Variants in ARG2 observed in about 807,000 individuals in gnomAD.
ARG2 encodes arginase 2.
In ARG2, 21 loss-of-function variants were observed where a neutral mutation model predicts 39.4. That is an observed-to-expected ratio of 0.53 (90% CI 0.38 to 0.77). ARG2 has a LOEUF of 0.77. Ranked by LOEUF, ARG2 falls within the 30% of genes least tolerant of loss-of-function variation. The pLI, the probability that ARG2 is intolerant of heterozygous loss-of-function variation, is 0.00. For missense variants in ARG2, 378 were observed against 426.2 expected (o/e 0.89, Z 1.00); for synonymous variants, 150 against 156.7 (o/e 0.96, Z 0.32).
rs1555380562 is a variant in ARG2 at position 67,636,272 on chromosome 14, A to AC, written c.185-5911dup. Among the ~76,000 whole-genome samples the AC allele has an allele frequency of 4.5e-3, 685 of 151,814 alleles. 4 individuals carry two copies. The highest frequency in any genetic ancestry group is 0.015 in the African/African-American group (621 of 41,270). On this transcript the variant is annotated intron_variant, in intron 2 of 7. Transcript: ENST00000261783. ...TAGTCTTATGCTGTCAAAAAAAAAA[A>AC]CCCAAAAAACAAAAAAACAAAACCT...
In ARG2 at chr14:67,651,352, A is replaced by T. The variant is rs2037173168; in HGVS notation, c.*432A>T. 1 of 1,612,688 alleles carries T rather than the reference A, an allele frequency of 6.2e-7. No homozygotes were observed. Among genetic ancestry groups the T allele is most frequent in the African/African-American group, 1.3e-5 (1 of 74,894 alleles). Reference sequence around the variant, plus strand: ...TAACATCATGCATTCACAAGGTCAAAGTTCTGGTCCACAAACCCTTCCCTA... The same window carrying T: ...TAACATCATGCATTCACAAGGTCAATGTTCTGGTCCACAAACCCTTCCCTA... On this transcript the variant is annotated 3_prime_UTR_variant, in exon 8 of 8. Transcript: ENST00000261783.
rs2036792629 is a variant in ARG2, at chr14:67,620,104, T to G, written c.111+16T>G. The G allele has an allele frequency of 6.4e-7, 1 of 1,560,654 alleles. No individual in the cohort carries two copies. The highest frequency in any genetic ancestry group is 1.4e-5 in the African/African-American group (1 of 72,836). ...ACAAGGGCAGGTGAGAACTGGCACC[T>G]GGAACCGCCGGGCAGGATCCTCCGC... is the stretch of plus-strand genomic sequence containing the variant. On this transcript the variant is annotated intron_variant, in intron 1 of 7. Coordinates refer to ENST00000261783, the MANE Select transcript of ARG2 (RefSeq NM_001172.4).
At chr14:67,634,858 C>T (rs2036954900) in intron 2 of ARG2, among the ~76,000 whole-genome samples, 1 of 152,126 alleles carries the variant, frequency 6.6e-6, no homozygotes, top group South Asian at 2.1e-4. Context: ...TATTAATGAC[C>T]AAACCTTGGA....
At chr14:67,620,263 C>G (rs1433530849) in intron 1 of ARG2, among the ~76,000 whole-genome samples, 175 bp downstream of exon 1, 1 of 149,910 alleles carries the variant, frequency 6.7e-6, no homozygotes, top group Admixed American at 6.6e-5. Flanking sequence ...GGATATCCTC[C>G]GACAGAGAAT....
chr14:67,650,928 T>C lies in ARG2; in HGVS notation c.*8T>C, dbSNP rs945269964. ...GCACGTGTGAGAATTTAGGAGACACTGTGCACTGACATGTTTCACAACAGG... is the reference window on the plus strand; with the variant it reads ...GCACGTGTGAGAATTTAGGAGACACCGTGCACTGACATGTTTCACAACAGG... On this transcript the variant is annotated 3_prime_UTR_variant, in exon 8 of 8. Transcript: ENST00000261783. 5 of 1,612,788 alleles carry C rather than the reference T, an allele frequency of 3.1e-6. No homozygotes were observed. The highest frequency in any genetic ancestry group is 3.4e-6 in the Non-Finnish European group (4 of 1,179,246).
At chr14:67,632,013 C>T (rs1249418135) in intron 2 of ARG2, among the ~76,000 whole-genome samples, 7 of 152,070 alleles carry the variant, frequency 4.6e-5, no homozygotes, top group Non-Finnish European at 1.0e-4. Context: ...TAGCTTGGAC[C>T]ACAGGCTTGT....
intron 2 of ARG2, among the ~76,000 whole-genome samples, chr14:67,635,345 T>C (rs2036960748): frequency 6.6e-6 from 1 of 152,218 alleles, no homozygotes; most frequent in Admixed American, 6.5e-5. Flanking sequence ...CAAATGAGTT[T>C]ACCTAAATAA....
At chr14:67,645,910 A>G (rs971662482) in intron 4 of ARG2, 108 bp downstream of exon 4, 7 of 1,264,410 alleles carry the variant, frequency 5.5e-6, no homozygotes. Context: ...GTGGATTACC[A>G]CTCCTTCATT....
intron 2 of ARG2, among the ~76,000 whole-genome samples, chr14:67,625,650 A>G (rs1203661797): frequency 6.9e-6 from 1 of 144,970 alleles, no homozygotes; most frequent in African/African-American, 2.6e-5. Context: ...ATTGCAGTCC[A>G]GCCTGGGCAA....
intron 6 of ARG2, 179 bp from the exon 7 acceptor site, chr14:67,647,868 T>C (rs1594830738): frequency 9.4e-6 from 6 of 636,380 alleles, no homozygotes; most frequent in Non-Finnish European, 8.0e-6. Context: ...GAAGTTAATA[T>C]TGCCAATCTC....
chr14:67,647,116 T>A, intron 6 of ARG2, 91 bp downstream of exon 6: 1 of 849,422 alleles, frequency 1.2e-6, no homozygotes, highest in Admixed American at 2.3e-5. Flanking sequence ...ACTTTTAAAA[T>A]ACAAAGCAAA....
Position 67,651,016 on chromosome 14 carries a change from C to A in ARG2, c.*96C>A. 7.9e-7 allele frequency: 1 copy of A among 1,262,292 alleles called. No homozygotes were observed. Among genetic ancestry groups the A allele is most frequent in the Non-Finnish European group, 1.1e-6 (1 of 891,978 alleles). 78.2% of individuals were successfully genotyped at this position (1,262,292 alleles called of 1,614,324 possible). A position where few individuals can be genotyped will look rare whatever the true frequency, so the allele number is the denominator to read the frequency against. Reference sequence around the variant, plus strand: ...TACTAAATGGTTGTCTGGGTCAATACTGCCTTAATGAGAACATTTACACAT... The same window carrying A: ...TACTAAATGGTTGTCTGGGTCAATAATGCCTTAATGAGAACATTTACACAT... On this transcript the variant is annotated 3_prime_UTR_variant, in exon 8 of 8. Transcript: ENST00000261783.
chr14:67,646,546 C>A, intron 4 of ARG2, 98 bp from the exon 5 acceptor site: 2 of 916,886 alleles, frequency 2.2e-6, no homozygotes, highest in Non-Finnish European at 3.5e-6. Context: ...CTGTGGGTGG[C>A]AGAAGAAAGC....
intron 2 of ARG2, among the ~76,000 whole-genome samples, chr14:67,627,713 T>C (rs1311808331): frequency 6.6e-6 from 1 of 152,170 alleles, no homozygotes; most frequent in African/African-American, 2.4e-5. Flanking sequence ...GGTGGGAAGA[T>C]TGCTTGAGGC....
chr14:67,650,531 G>A lies in ARG2; in HGVS notation c.860-184G>A, dbSNP rs1328064727. The A allele has an allele frequency of 4.9e-6, 3 of 609,672 alleles. No individual in the cohort carries two copies. In the Admixed American group the frequency reaches 8.6e-5, roughly 18 times the overall value. The allele number at this position is 609,672 out of a possible 1,614,324, so 37.8% of individuals were successfully genotyped here. On this transcript the variant is annotated intron_variant, in intron 7 of 7. Transcript: ENST00000261783. ...TCTTTTAATCTACTATAGCACAACA[G>A]TGTTTTAACTTAAATTCATGGCCAA...
Position 67,647,935 on chromosome 14 carries a change from A to G in ARG2, c.723-112A>G, listed in dbSNP as rs2037121779. 3.8e-6 allele frequency: 4 copies of G among 1,046,238 alleles called. No homozygotes were observed. The South Asian group carries it at 6.5e-5, about 17-fold the overall frequency. The allele number at this position is 1,046,238 out of a possible 1,614,324, so 64.8% of individuals were successfully genotyped here. Reference sequence around the variant, plus strand: ...GTATTAACAGCTTTATTAACAAAGTACTAGGACTAATAGCAACAAAATCAA... The same window carrying G: ...GTATTAACAGCTTTATTAACAAAGTGCTAGGACTAATAGCAACAAAATCAA... On this transcript the variant is annotated intron_variant, in intron 6 of 7. Coordinates refer to ENST00000261783, the MANE Select transcript of ARG2 (RefSeq NM_001172.4).
At chr14:67,623,531 A>G (rs2036832246) in intron 2 of ARG2, among the ~76,000 whole-genome samples, 2 of 135,632 alleles carry the variant, frequency 1.5e-5, no homozygotes, top group South Asian at 4.4e-4. Context: ...ACTCTCAGGT[A>G]ACCTTTTTTT....
intron 3 of ARG2, among the ~76,000 whole-genome samples, chr14:67,643,882 A>C (rs1296859855): frequency 1.6e-5 from 2 of 124,130 alleles, no homozygotes; most frequent in Non-Finnish European, 3.5e-5. Context: ...AAAAAAAAAA[A>C]GACTCAGGTT....
At chr14:67,630,148 T>G (rs1374244751) in intron 2 of ARG2, among the ~76,000 whole-genome samples, 1 of 152,194 alleles carries the variant, frequency 6.6e-6, no homozygotes, top group African/African-American at 2.4e-5. Flanking sequence ...ACAAAGAACG[T>G]CAGAGGATGA....
Sources: allele counts gnomAD v4.1 joint callset (sites outside exome capture counted in the v4.1 genomes callset), GRCh38; gene constraint gnomAD v4.1.1; transcripts MANE v1.5; gene names NCBI Gene and HGNC (gene_info 2026-07-23, HGNC 2026-07-21).